ABCA12: variants seen among roughly 807,000 people sequenced by gnomAD.
The protein encoded by ABCA12 is glucosylceramide transporter ABCA12.
In ABCA12, 156 loss-of-function variants were observed where a neutral mutation model predicts 293.5. The observed-to-expected ratio is 0.53, with a 90% CI of 0.47 to 0.61. The LOEUF (loss-of-function observed/expected upper bound fraction) is 0.61. Among genes scored for constraint, ABCA12 ranks in the 20% least tolerant of loss-of-function variants. The pLI, the probability that ABCA12 is intolerant of heterozygous loss-of-function variation, is 0.00. For missense variants in ABCA12, 2,797 were observed against 3,090.2 expected, an observed-to-expected ratio of 0.91 and a Z score of 2.25; for synonymous variants, 1,063 against 1,108.0, an observed-to-expected ratio of 0.96 and a Z score of 0.81.
intron 36 of ABCA12, among the ~76,000 whole-genome samples, chr2:214,973,467 G>A (rs571169263): frequency 1.4e-4 from 22 of 152,246 alleles, no homozygotes; most frequent in African/African-American, 4.8e-4. Context: ...TACAGACAGA[G>A]TAAGTGATGA....
intron 20 of ABCA12, among the ~76,000 whole-genome samples, chr2:215,003,883 G>C (rs1256506643): frequency 6.6e-6 from 1 of 152,072 alleles, no homozygotes; most frequent in Non-Finnish European, 1.5e-5. Flanking sequence ...GGCCAGGCTG[G>C]TCTCGAACTC....
At chr2:215,110,708 AT>A (rs766378302) in intron 2 of ABCA12, among the ~76,000 whole-genome samples, 81 of 152,190 alleles carry the variant, frequency 5.3e-4, no homozygotes, top group Non-Finnish European at 1.1e-3. Flanking sequence ...AAAAACACTA[AT>A]TATTTTTAAA....
At chr2:215,011,739 G>A in intron 16 of ABCA12, 90 bp from the exon 17 acceptor site, 1 of 1,269,458 alleles carries the variant, frequency 7.9e-7, no homozygotes, top group South Asian at 1.2e-5. Flanking sequence ...ATAATACTTA[G>A]AGTATCCTTA....
intron 1 of ABCA12, among the ~76,000 whole-genome samples, chr2:215,132,739 A>C (rs1175053977): frequency 6.6e-6 from 1 of 152,042 alleles, no homozygotes; most frequent in Non-Finnish European, 1.5e-5. Flanking sequence ...TTATGTTAAA[A>C]GTTAATGTTG....
At chr2:214,967,617 GGAGA>G (rs1481798739) in intron 38 of ABCA12, among the ~76,000 whole-genome samples, 2 of 152,062 alleles carry the variant, frequency 1.3e-5, no homozygotes, top group African/African-American at 2.4e-5. Context: ...CTGTGTGTGT[GGAGA>G]GAGAGAAGAG....
At chr2:215,038,803 TA>T (rs1476362375) in intron 7 of ABCA12, 1 of 152,220 alleles carries the variant, frequency 6.6e-6, no homozygotes, top group African/African-American at 2.4e-5. Context: ...TTATTATCAT[TA>T]ACATTATTAA....
At chr2:215,065,443 A>G (rs1701623875) in intron 2 of ABCA12, among the ~76,000 whole-genome samples, 1 of 152,000 alleles carries the variant, frequency 6.6e-6, no homozygotes, top group South Asian at 2.1e-4. Context: ...TACCAGTAGA[A>G]AGAATAAATA....
chr2:215,113,853 A>G (rs963499915), intron 1 of ABCA12, among the ~76,000 whole-genome samples: 1 of 152,246 alleles, frequency 6.6e-6, no homozygotes, highest in South Asian at 2.1e-4. Flanking sequence ...ATCACATTAG[A>G]GTTGTTGCAG....
intron 2 of ABCA12, among the ~76,000 whole-genome samples, chr2:215,104,812 G>A (rs1702429785): frequency 6.6e-6 from 1 of 152,138 alleles, no homozygotes; most frequent in African/African-American, 2.4e-5. Flanking sequence ...TATTTGTGAT[G>A]GAAATTCCCA....
chr2:214,959,464 A>G (rs1699052807), intron 39 of ABCA12, among the ~76,000 whole-genome samples: 1 of 152,152 alleles, frequency 6.6e-6, no homozygotes, highest in Non-Finnish European at 1.5e-5. Context: ...TAAGCAATTC[A>G]AAGCAGGACC....
chr2:214,944,165 C>T lies in ABCA12; in HGVS notation c.7343+836G>A, dbSNP rs527741573. Among the ~76,000 whole-genome samples, 11 of 111,188 alleles carry T rather than the reference C, an allele frequency of 9.9e-5. 1 individual carries two copies. Among genetic ancestry groups the T allele is most frequent in the African/African-American group, 4.8e-4 (11 of 22,904 alleles). 72.9% of individuals were successfully genotyped at this position (111,188 alleles called of 152,430 possible). ...GGGTGGCTCATGCCTGTAATCCCAG[C>T]ACTTTGGTAGGCCAAGGGGGTGTAT... On this transcript the variant is annotated intron_variant, in intron 49 of 52. Transcript: ENST00000272895.
At chr2:215,052,624 C>G (rs1701342752) in intron 4 of ABCA12, 40 bp from the exon 5 acceptor site, 1 of 1,501,746 alleles carries the variant, frequency 6.7e-7, no homozygotes, top group Non-Finnish European at 9.3e-7. Context: ...TCCACACACA[C>G]ACACACAAAT....
intron 29 of ABCA12, among the ~76,000 whole-genome samples, chr2:214,983,071 T>A (rs541427583): frequency 6.6e-6 from 1 of 152,262 alleles, no homozygotes; most frequent in South Asian, 2.1e-4. Context: ...GCCCTGAGGC[T>A]GGAGCAGGCC....
In ABCA12 at chr2:214,978,940, C is replaced by T; in HGVS notation, c.4841G>A (p.Gly1614Glu). ...PEAYLKEDIG[G>E]ELVYVLPPFS... The stretch of plus-strand genomic sequence containing the variant: ...TGGAGGAAGTACATAAACAAGCTCT[C>T]CCCCAATATCCTCCTTGAGGTAGGC... Residue 1614 changes from glycine (G) to glutamate (E), a missense_variant, in exon 32 of 53, where the codon GGA becomes GAA. Transcript: ENST00000272895. 2.5e-6 allele frequency: 4 copies of T among 1,614,012 alleles called. No individual in the cohort carries two copies. Among genetic ancestry groups the T allele is most frequent in the Non-Finnish European group, 3.4e-6 (4 of 1,179,982 alleles).
At position 214,974,028 on chromosome 2, in the gene ABCA12, T is replaced by G; in HGVS notation, c.5483A>C (p.Lys1828Thr). The G allele has an allele frequency of 6.2e-7, 1 of 1,613,958 alleles. No individual in the cohort carries two copies. The highest frequency in any genetic ancestry group is 8.5e-7 in the Non-Finnish European group (1 of 1,179,884). The change falls in exon 36 of 53, where the codon AAA (lysine) becomes ACA (threonine). Residue 1828 changes from lysine to threonine, a missense_variant. By Grantham distance (78) the Lys-to-Thr change is moderately conservative (BLOSUM62 -1). This residue lies in a region of ABCA12 where 2,130 missense variants were observed against 2,427.0 expected (regional missense o/e 0.88). Transcript: ENST00000272895. ...LNTSDLQCLN[K>T]DSLEKWNTSG... ...GGTGTTCCATTTTTCCAGACTGTCT[T>G]TGTTTAAACACTGTCTGCAAGTTAA...
chr2:215,033,919 C>T (rs1002571199), intron 8 of ABCA12, among the ~76,000 whole-genome samples: 9 of 151,626 alleles, frequency 5.9e-5, no homozygotes, highest in African/African-American at 1.9e-4. Context: ...CCAACCTGGG[C>T]GACGGAGTGA....
At chr2:214,970,424 A>T (rs1699362144) in intron 36 of ABCA12, 24 bp from the exon 37 acceptor site, 1 of 1,612,396 alleles carries the variant, frequency 6.2e-7, no homozygotes, top group Middle Eastern at 1.7e-4. Flanking sequence ...TTAAAAATGA[A>T]TTTTTTTCTG....
intron 3 of ABCA12, among the ~76,000 whole-genome samples, chr2:215,055,763 T>G (rs1174827645): frequency 6.6e-6 from 1 of 152,046 alleles, no homozygotes; most frequent in Non-Finnish European, 1.5e-5. Flanking sequence ...ATATTCTCCA[T>G]AAAATGTACT....
chr2:215,040,973 G>A (rs562421738), intron 7 of ABCA12, among the ~76,000 whole-genome samples: 19 of 152,134 alleles, frequency 1.2e-4, no homozygotes, highest in Admixed American at 3.9e-4. Context: ...CTACTAAGCC[G>A]TGCAACCTGC....
Sources: allele counts gnomAD v4.1 joint callset (sites outside exome capture counted in the v4.1 genomes callset), GRCh38; gene constraint gnomAD v4.1.1; regional missense constraint gnomAD v4.1.1; transcripts MANE v1.5; gene names NCBI Gene and HGNC (gene_info 2026-07-23, HGNC 2026-07-21).